Variants in TTLL3 observed in about 807,000 individuals in gnomAD.
TTLL3 encodes the protein tubulin tyrosine ligase like 3, also known as tubulin monoglycylase TTLL3.
TTLL3 carries 63 observed loss-of-function variants against 75.2 expected under a neutral mutation model. The observed-to-expected ratio is 0.84, with a 90% CI of 0.68 to 1.03. The LOEUF (loss-of-function observed/expected upper bound fraction) is 1.03, where lower values mean the gene tolerates loss of function less well. TTLL3 is among the 50% of genes least tolerant of loss of function. TTLL3 has a pLI of 0.00. For synonymous variants in TTLL3, 393 were observed against 418.5 expected (o/e 0.94, Z 0.74); for missense variants, 997 against 1,069.9 (o/e 0.93, Z 0.95).
rs1176934323 is a variant in TTLL3 at position 9,818,920 on chromosome 3, G to A, written c.658G>A (p.Gly220Arg). Residue 220 changes from glycine to arginine, a missense_variant and splice_region_variant, in exon 7 of 14, where the codon GGA becomes AGA. Transcript: ENST00000685419. ...PIQAVEEEAS[G>R]DKQPKKQEKN... ...TCAGGCAGTAGAGGAAGAGGCCTCA[G>A]GTAAGTACTGTGGTTACCTCCACTC... The A allele has an allele frequency of 2.5e-6, 4 of 1,614,060 alleles. No homozygotes were observed. The South Asian group carries it at 3.3e-5, about 13-fold the overall frequency.
chr3:9,827,102 C>G lies in TTLL3; in HGVS notation c.1109C>G (p.Pro370Arg), dbSNP rs1259807335. The G allele has an allele frequency of 4.3e-6, 7 of 1,614,058 alleles. No individual in the cohort carries two copies. The highest frequency in any genetic ancestry group is 5.9e-6 in the Non-Finnish European group (7 of 1,180,042). The change falls in exon 10 of 14, where the codon CCC becomes CGC. Residue 370 changes from proline to arginine, a missense_variant. Pro to Arg is a moderately radical substitution (Grantham distance 103). Coordinates refer to ENST00000685419, the MANE Select transcript of TTLL3 (RefSeq NM_001387446.1). ...KWVVQKYIER[P>R]LLIFGTKFDL... ...GTGGTGCAGAAGTATATTGAGCGGC[C>G]CCTCCTCATCTTTGGCACCAAGTTT...
chr3:9,824,612 T>C (rs773275268), intron 8 of TTLL3, among the ~76,000 whole-genome samples: 4 of 152,120 alleles, frequency 2.6e-5, no homozygotes, highest in Non-Finnish European at 4.4e-5. Context: ...GGTTTCACCA[T>C]ATTGGCCAGG....
upstream of TTLL3, chr3:9,810,050 T>TGGGGCCCGGGCGCC: frequency 3.0e-6 from 4 of 1,324,794 alleles, no homozygotes; most frequent in South Asian, 1.8e-5. The surrounding 1 kb of genome is among the most constrained non-coding windows in gnomAD (Gnocchi z 4.4). Flanking sequence ...GCGAGGGAGC[T>TGGGGCCCGGGCGCC]GGGGCCCGGG....
At chr3:9,828,937 C>T (rs368528729) in intron 10 of TTLL3, 23 bp from the exon 11 acceptor site, 1 of 1,611,956 alleles carries the variant, frequency 6.2e-7, no homozygotes, top group African/African-American at 1.3e-5. Flanking sequence ...GCCTGGACCT[C>T]AGTTTTCTGT....
intron 8 of TTLL3, among the ~76,000 whole-genome samples, chr3:9,822,489 A>C (rs987914012): frequency 3.3e-5 from 5 of 152,102 alleles, no homozygotes; most frequent in Admixed American, 1.3e-4. Context: ...TGAATGGTTC[A>C]GTACAAATGA....
Position 9,822,260 on chromosome 3 carries a change from G to C in TTLL3, c.854+1519G>C, listed in dbSNP as rs1489498311. Among the ~76,000 whole-genome samples, 5 of 151,258 alleles carry C rather than the reference G, an allele frequency of 3.3e-5. No homozygotes were observed. In the East Asian group the frequency reaches 9.9e-4, roughly 30 times the overall value. ...TTTTGTGTATTTTTAGTAGAGATGGGGTTTCACTATGCAGGCCAGACTGGT... is the reference window on the plus strand; with the variant it reads ...TTTTGTGTATTTTTAGTAGAGATGGCGTTTCACTATGCAGGCCAGACTGGT... On this transcript the variant is annotated intron_variant, in intron 8 of 13. Coordinates refer to ENST00000685419, the MANE Select transcript of TTLL3 (RefSeq NM_001387446.1).
In TTLL3 at chr3:9,825,872, C is replaced by T. The variant is rs765116807; in HGVS notation, c.927C>T (p.Ala309=). Residue 309 remains alanine, a synonymous_variant, in exon 9 of 14, where the codon GCC becomes GCT. Transcript: ENST00000685419. ...RCEDILQQLQ[A]VVPQIDMEGD... ...AGGACATCCTGCAGCAGCTGCAGGC[C>T]GTGGTACCCCAGATAGACATGGAAG... The T allele has an allele frequency of 5.0e-6, 8 of 1,614,008 alleles. No individual in the cohort carries two copies. Among genetic ancestry groups the T allele is most frequent in the African/African-American group, 2.7e-5 (2 of 74,916 alleles).
intron 4 of TTLL3, among the ~76,000 whole-genome samples, chr3:9,813,572 G>T (rs1480427577): frequency 6.6e-6 from 1 of 152,144 alleles, no homozygotes; most frequent in Non-Finnish European, 1.5e-5. Flanking sequence ...TTGAGGCTAG[G>T]AGTTCAAGAC....
rs2080140007 is a variant in TTLL3, at chr3:9,818,832, G to T, written c.570G>T (p.Trp190Cys). The change falls in exon 7 of 14, where the codon TGG becomes TGT. Residue 190 changes from tryptophan to cysteine, a missense_variant. Trp to Cys is a radical substitution (Grantham distance 215). Coordinates refer to ENST00000685419, the MANE Select transcript of TTLL3 (RefSeq NM_001387446.1). ...DDKKAFIEDF[W>C]LTAARNVLKL... ...CTGGCCTGGGAGCAGAGGACTTCTG[G>T]CTGACTGCTGCCCGCAACGTTCTCA... The T allele has an allele frequency of 5.6e-6, 9 of 1,614,124 alleles. No homozygotes were observed. The highest frequency in any genetic ancestry group is 7.6e-6 in the Non-Finnish European group (9 of 1,180,024).
chr3:9,832,834 G>C (rs534288729), intron 11 of TTLL3, among the ~76,000 whole-genome samples: 13 of 152,188 alleles, frequency 8.5e-5, no homozygotes, highest in Non-Finnish European at 1.2e-4. Context: ...CATTCCAGCA[G>C]GGGCTGGGGG....
rs2079491025 is a variant in TTLL3 at position 9,812,969 on chromosome 3, C to A, written c.75C>A (p.Gly25=). 2 of 1,523,712 alleles carry A rather than the reference C, an allele frequency of 1.3e-6. No individual in the cohort carries two copies. The highest frequency in any genetic ancestry group is 2.6e-5 in the South Asian group (2 of 76,672). 94.4% of individuals were successfully genotyped at this position (1,523,712 alleles called of 1,614,324 possible). ...VKQKKIFTIQ[G]CYPVIRCLLR... ...AGAAGAAGATCTTTACAATCCAAGG[C>A]TGCTACCCGGTGATCCGGTGTCTCT... is the stretch of plus-strand genomic sequence containing the variant. The change falls in exon 3 of 14, where the codon GGC becomes GGA. Residue 25 remains glycine, a synonymous_variant. Transcript: ENST00000685419.
rs751937920 is a variant in TTLL3, at chr3:9,835,075, C to T, written c.2053-19C>T. 3 of 1,595,544 alleles carry T rather than the reference C, an allele frequency of 1.9e-6. No homozygotes were observed. Among genetic ancestry groups the T allele is most frequent in the Non-Finnish European group, 2.6e-6 (3 of 1,169,678 alleles). On this transcript the variant is annotated intron_variant, in intron 13 of 13. Transcript: ENST00000685419. ...AGACTTCTGATCATCTCCCTCTTCT[C>T]CCCTCCTTTCACACCGAGGCTCCTG...
chr3:9,810,838 C>T lies in TTLL3; in HGVS notation c.48+129C>T. The stretch of plus-strand genomic sequence containing the variant: ...AACAATAGCAAAAATCCTCAACCAC[C>T]ACACCCATCTTCAACTACCTCCCCG... On this transcript the variant is annotated intron_variant, in intron 2 of 13. Transcript: ENST00000685419. This position sits in a 1 kb window ranked among gnomAD's most constrained non-coding sequence, Gnocchi z 4.4. 1 of 873,768 alleles carries T rather than the reference C, an allele frequency of 1.1e-6. No individual in the cohort carries two copies. The highest frequency in any genetic ancestry group is 1.7e-6 in the Non-Finnish European group (1 of 581,924). 54.1% of individuals were successfully genotyped at this position (873,768 alleles called of 1,614,324 possible). A position where few individuals can be genotyped will look rare whatever the true frequency, so the allele number is the denominator to read the frequency against.
intron 11 of TTLL3, among the ~76,000 whole-genome samples, chr3:9,830,862 G>A: frequency 6.6e-6 from 1 of 152,064 alleles, no homozygotes; most frequent in East Asian, 1.9e-4. Context: ...GAGTGCAGTG[G>A]CACCATCTCG....
chr3:9,827,403 GATT>G, intron 10 of TTLL3, 163 bp downstream of exon 10: 3 of 1,346,066 alleles, frequency 2.2e-6, no homozygotes, highest in Non-Finnish European at 2.0e-6. Context: ...GCATCCAACA[GATT>G]TTTTTTTAAC....
intron 12 of TTLL3, chr3:9,834,394 A>G: frequency 1.6e-6 from 1 of 613,200 alleles, no homozygotes; most frequent in South Asian, 1.5e-5. Context: ...ACACCAACCT[A>G]GCAAGGTAGG....
chr3:9,811,452 T>C (rs1463785015), intron 2 of TTLL3, among the ~76,000 whole-genome samples: 1 of 152,212 alleles, frequency 6.6e-6, no homozygotes, highest in Non-Finnish European at 1.5e-5. Flanking sequence ...AAACCACTTG[T>C]CATCTCCACC....
intron 8 of TTLL3, among the ~76,000 whole-genome samples, chr3:9,824,746 T>C (rs1185925096): frequency 7.2e-6 from 1 of 139,742 alleles, no homozygotes; most frequent in East Asian, 2.1e-4. Context: ...TCTTTTTTTT[T>C]TTTTTTTTTT....
chr3:9,829,529 C>T (rs1272449654), intron 11 of TTLL3, 134 bp downstream of exon 11: 2 of 1,170,596 alleles, frequency 1.7e-6, no homozygotes, highest in East Asian at 5.3e-5. Context: ...GCTAAGGTGA[C>T]CTCACTTCCT....
Sources: gnomAD v4.1 joint callset for allele counts (sites outside exome capture counted in the v4.1 genomes callset) on GRCh38, gnomAD v4.1.1 for gene constraint, Gnocchi (gnomAD v3.1) non-coding constraint, MANE v1.5 for transcripts, NCBI Gene and HGNC (gene_info 2026-07-23, HGNC 2026-07-21) for gene names.